The following OPCML variants were observed in gnomAD, a reference collection of about 807,000 sequenced individuals.
OPCML encodes opioid-binding protein/cell adhesion molecule.
A neutral mutation model predicts 37.8 loss-of-function variants in OPCML; 13 were observed. The ratio of observed to expected loss-of-function variants is 0.34; its 90% CI spans 0.22 to 0.55. OPCML has a LOEUF of 0.55. OPCML is among the 20% of genes least tolerant of loss of function. OPCML has a pLI of 0.91. For synonymous variants in OPCML, 176 were observed against 168.8 expected (o/e 1.04, Z -0.33); for missense variants, 341 against 435.6 (o/e 0.78, Z 1.93).
chr11:133,303,671 G>A (rs578113221), intron 1 of OPCML, among the ~76,000 whole-genome samples: 13 of 152,152 alleles, frequency 8.5e-5, no homozygotes, highest in Non-Finnish European at 1.9e-4. Context: ...GCCTATTACT[G>A]AGGGTACGTT....
intron 2 of OPCML, among the ~76,000 whole-genome samples, chr11:132,722,932 A>C (rs1221559377): frequency 6.6e-6 from 1 of 152,222 alleles, no homozygotes; most frequent in Non-Finnish European, 1.5e-5. Flanking sequence ...TGATTCAATG[A>C]AAAAGTATCA....
rs1019666953 is a variant in OPCML at position 132,901,574 on chromosome 11, T to C, written c.146+41352A>G. ...GCAGGATGTGATGTACAATTAGCTATGGCTCAAAATAAGGGCAACAAATTT... is the reference window on the plus strand; with the variant it reads ...GCAGGATGTGATGTACAATTAGCTACGGCTCAAAATAAGGGCAACAAATTT... On this transcript the variant is annotated intron_variant, in intron 2 of 7. Transcript: ENST00000524381. Among the ~76,000 whole-genome samples, 4 of 152,188 alleles carry C rather than the reference T, an allele frequency of 2.6e-5. No individual in the cohort carries two copies. In the South Asian group the frequency reaches 8.3e-4, roughly 32 times the overall value.
At chr11:133,012,756 T>C (rs1003137139) in intron 1 of OPCML, among the ~76,000 whole-genome samples, 2 of 149,824 alleles carry the variant, frequency 1.3e-5, no homozygotes, top group Non-Finnish European at 2.9e-5. Flanking sequence ...ATGCCTGTAA[T>C]CCCAGCTACT....
At chr11:132,762,755 G>A (rs910944714) in intron 2 of OPCML, among the ~76,000 whole-genome samples, 8 of 152,064 alleles carry the variant, frequency 5.3e-5, no homozygotes, top group African/African-American at 1.9e-4. Context: ...TGGGCTCCGT[G>A]GGGGTGGGAT....
chr11:133,243,294 G>A lies in OPCML; in HGVS notation c.61+288970C>T, dbSNP rs1229141058. Among the ~76,000 whole-genome samples the A allele has an allele frequency of 6.6e-5, 10 of 152,290 alleles. No individual in the cohort carries two copies. The South Asian group carries it at 8.3e-4, about 13-fold the overall frequency. On this transcript the variant is annotated intron_variant, in intron 1 of 7. Transcript: ENST00000524381. ...TGGAGTGGGGTTCCTGCAGTGGGAC[G>A]GAGACAGCCTTTCTTGGAAAGGTGT...
chr11:133,189,129 C>T (rs1421586003), intron 1 of OPCML, among the ~76,000 whole-genome samples: 3 of 152,184 alleles, frequency 2.0e-5, no homozygotes, highest in Non-Finnish European at 4.4e-5. Flanking sequence ...CTCATCCTTA[C>T]TGCCTTCTTT....
At chr11:132,529,214 C>G (rs771911577) in intron 3 of OPCML, 28 bp from the exon 4 acceptor site, 12 of 1,581,962 alleles carry the variant, frequency 7.6e-6, no homozygotes, top group Non-Finnish European at 1.0e-5. Context: ...AGAAGAAATA[C>G]CTGAGAATAA....
intron 1 of OPCML, among the ~76,000 whole-genome samples, chr11:133,042,131 T>C (rs114346718): frequency 0.017 from 2,582 of 152,228 alleles, 69 homozygotes; most frequent in African/African-American, 0.059. Flanking sequence ...GGAAACGCAA[T>C]GAGGCCCCGG....
At position 133,293,894 on chromosome 11, in the gene OPCML, T is replaced by TCAAACA. The variant is rs1300037388; in HGVS notation, c.61+238369_61+238370insTGTTTG. Among the ~76,000 whole-genome samples the TCAAACA allele has an allele frequency of 4.0e-3, 18 of 4,498 alleles. 1 individual carries two copies. Among genetic ancestry groups the TCAAACA allele is most frequent in the African/African-American group, 7.3e-3 (9 of 1,228 alleles). 3.0% of individuals were successfully genotyped at this position (4,498 alleles called of 152,430 possible). A position where few individuals can be genotyped will look rare whatever the true frequency, so the allele number is the denominator to read the frequency against. On this transcript the variant is annotated intron_variant, in intron 1 of 7. Coordinates refer to ENST00000524381, the MANE Select transcript of OPCML (RefSeq NM_001012393.5). ...ATCCTAAAGAAAAAAAAAAAAGACT[T>TCAAACA]CACACACACACACACACACACACAC...
At chr11:132,588,819 G>A (rs535155176) in intron 3 of OPCML, among the ~76,000 whole-genome samples, 4 of 152,252 alleles carry the variant, frequency 2.6e-5, no homozygotes, top group South Asian at 2.1e-4. Context: ...CTTTCTGTCC[G>A]GTTCTGCCTT....
intron 1 of OPCML, among the ~76,000 whole-genome samples, chr11:133,292,908 G>A (rs1413010996): frequency 6.6e-6 from 1 of 152,128 alleles, no homozygotes; most frequent in Non-Finnish European, 1.5e-5. Context: ...GCTTTGGACC[G>A]TGGGCTGGGG....
chr11:132,864,536 G>C lies in OPCML; in HGVS notation c.146+78390C>G, dbSNP rs914019653. Among the ~76,000 whole-genome samples, 3 of 152,184 alleles carry C rather than the reference G, an allele frequency of 2.0e-5. No homozygotes were observed. The South Asian group carries it at 6.2e-4, about 31-fold the overall frequency. Reference sequence around the variant, plus strand: ...AATGCTTTGGATTATGCAAAGAAAAGTACTTTAACTGCAAAGCAGTATGTA... The same window carrying C: ...AATGCTTTGGATTATGCAAAGAAAACTACTTTAACTGCAAAGCAGTATGTA... On this transcript the variant is annotated intron_variant, in intron 2 of 7. Coordinates refer to ENST00000524381, the MANE Select transcript of OPCML (RefSeq NM_001012393.5).
At chr11:133,485,431 C>A (rs1477149564) in intron 1 of OPCML, among the ~76,000 whole-genome samples, 1 of 152,160 alleles carries the variant, frequency 6.6e-6, no homozygotes, top group East Asian at 1.9e-4. Context: ...ACTCTTGCTG[C>A]TGTAATCAAA....
intron 1 of OPCML, among the ~76,000 whole-genome samples, chr11:133,157,410 C>T (rs1022447382): frequency 6.6e-6 from 1 of 152,164 alleles, no homozygotes; most frequent in Non-Finnish European, 1.5e-5. Flanking sequence ...GACACAACGT[C>T]AGCTGTCAAT....
chr11:133,488,575 A>C (rs1196693323), intron 1 of OPCML, among the ~76,000 whole-genome samples: 3 of 152,170 alleles, frequency 2.0e-5, no homozygotes, highest in Non-Finnish European at 4.4e-5. Context: ...CAAAATTATG[A>C]TGGAATAAAT....
intron 1 of OPCML, among the ~76,000 whole-genome samples, chr11:133,160,894 C>T (rs995771268): frequency 1.4e-4 from 22 of 152,298 alleles, no homozygotes; most frequent in East Asian, 3.9e-4. Context: ...TATGGAGGGC[C>T]GGAGCACCAC....
intron 4 of OPCML, among the ~76,000 whole-genome samples, chr11:132,442,562 C>A (rs777784056): frequency 6.6e-6 from 1 of 152,114 alleles, no homozygotes; most frequent in African/African-American, 2.4e-5. Flanking sequence ...CTCTGAATAC[C>A]TCTGGGGACA....
intron 1 of OPCML, among the ~76,000 whole-genome samples, chr11:133,146,354 G>A (rs1318493489): frequency 4.4e-5 from 6 of 137,208 alleles, no homozygotes; most frequent in Non-Finnish European, 9.1e-5. Context: ...CTCTCTTGTC[G>A]CCCAGGCTGG....
intron 1 of OPCML, among the ~76,000 whole-genome samples, chr11:133,204,868 G>GTGTATATATATATATATATA (rs1435953218): frequency 2.6e-5 from 3 of 117,332 alleles, no homozygotes; most frequent in African/African-American, 2.9e-5. Flanking sequence ...ATATATATGT[G>GTGTATATATATATATATATA]TATATATATA....
Sources: gnomAD v4.1 joint callset for allele counts (sites outside exome capture counted in the v4.1 genomes callset) on GRCh38, gnomAD v4.1.1 for gene constraint, MANE v1.5 for transcripts, NCBI Gene and HGNC (gene_info 2026-07-23, HGNC 2026-07-21) for gene names.